DMBT1: variants seen among roughly 807,000 people sequenced by gnomAD.
DMBT1 encodes the protein deleted in malignant brain tumors 1, also known as scavenger receptor cysteine-rich domain-containing protein DMBT1.
A neutral mutation model predicts 252.9 loss-of-function variants in DMBT1; 198 were observed. That is an observed-to-expected ratio of 0.78 (90% CI 0.70 to 0.88). DMBT1 has a LOEUF of 0.88. DMBT1 is among the 40% of genes least tolerant of loss of function. The pLI, the probability that DMBT1 is intolerant of heterozygous loss-of-function variation, is 0.00. For missense variants in DMBT1, 2,432 were observed against 2,404.7 expected, an observed-to-expected ratio of 1.01 and a Z score of -0.24; for synonymous variants, 990 against 942.7, an observed-to-expected ratio of 1.05 and a Z score of -0.92.
chr10:122,635,346 T>G (rs1474858720), intron 52 of DMBT1, among the ~76,000 whole-genome samples: 1 of 152,154 alleles, frequency 6.6e-6, no homozygotes, highest in Non-Finnish European at 1.5e-5. Context: ...GTGGGGGCAC[T>G]AGGGACTTTT....
At chr10:122,639,901 C>A in intron 54 of DMBT1, 139 bp from the exon 55 acceptor site, 1 of 1,024,340 alleles carries the variant, frequency 9.8e-7, no homozygotes, top group Non-Finnish European at 1.4e-6. Flanking sequence ...AGGCACGTGC[C>A]ATGGCCATCT....
At chr10:122,600,836 A>G (rs2097945934) in intron 27 of DMBT1, among the ~76,000 whole-genome samples, 155 bp from the exon 28 acceptor site, 1 of 152,148 alleles carries the variant, frequency 6.6e-6, no homozygotes, top group Non-Finnish European at 1.5e-5. Flanking sequence ...GGATGAGTTC[A>G]CAGCAGAGGA....
chr10:122,633,349 TGCGCCC>T lies in DMBT1; in HGVS notation c.6548+9_6548+14del, dbSNP rs762718249. On this transcript the variant is annotated intron_variant, in intron 52 of 55. Transcript: ENST00000338354. Reference sequence around the variant, plus strand: ...GATCTTCAGAGATGTCCAGTAAGTGTGCGCCCAGAAGAATGCCTTGGGGCCCCACAG... The same window carrying T: ...GATCTTCAGAGATGTCCAGTAAGTGTAGAAGAATGCCTTGGGGCCCCACAG... The T allele has an allele frequency of 1.2e-6, 2 of 1,613,784 alleles. No individual in the cohort carries two copies. The highest frequency in any genetic ancestry group is 3.3e-5 in the Admixed American group (2 of 60,006).
At chr10:122,621,634 A>G (rs923733184) in intron 44 of DMBT1, among the ~76,000 whole-genome samples, 1 of 152,192 alleles carries the variant, frequency 6.6e-6, no homozygotes, top group African/African-American at 2.4e-5. Context: ...GAAGAGGCAG[A>G]AGAAAAAATT....
intron 17 of DMBT1, among the ~76,000 whole-genome samples, chr10:122,589,918 C>T (rs1027331684): frequency 4.0e-5 from 6 of 148,634 alleles, no homozygotes; most frequent in African/African-American, 1.5e-4. Context: ...GGATCCAATC[C>T]CAACATGAGT....
intron 10 of DMBT1, among the ~76,000 whole-genome samples, chr10:122,580,300 G>A (rs1386609202): frequency 2.0e-5 from 3 of 152,204 alleles, no homozygotes; most frequent in African/African-American, 4.8e-5. Context: ...CTAAAAGTGG[G>A]TTCTCAGCTG....
In DMBT1 at chr10:122,561,582, C is replaced by CTCTCTCTA. The variant is rs144834746; in HGVS notation, c.61+754_61+755insCTCTATCT. ...CCTGTCTCTCTGCCTCTCTCTCTCT[C>CTCTCTCTA]TCTTTCTCTCTTATCTATTGTGTAG... On this transcript the variant is annotated intron_variant, in intron 1 of 55. Transcript: ENST00000338354. Among the ~76,000 whole-genome samples, 601 of 147,552 alleles carry CTCTCTCTA rather than the reference C, an allele frequency of 4.1e-3. 7 individuals are homozygous for CTCTCTCTA. The highest frequency in any genetic ancestry group is 0.014 in the East Asian group (70 of 4,970).
At position 122,576,453 on chromosome 10, in the gene DMBT1, GC is replaced by G; in HGVS notation, c.340del (p.Arg114GlufsTer121). On this transcript the variant is annotated frameshift_variant, in exon 7 of 56. Coordinates refer to ENST00000338354, the MANE Select transcript of DMBT1 (RefSeq NM_001377530.1). LOFTEE classifies it high-confidence loss of function. The part of the protein sequence containing the change: ...RLVNGDGRCQ[G>X]RVEILYRGSW... The stretch of plus-strand genomic sequence containing the variant: ...GTGAATGGAGATGGCAGGTGTCAGG[GC>G]CGAGTGGAGATCCTATACCGAGGCT... 6.2e-7 allele frequency: 1 copy of G among 1,613,860 alleles called. No homozygotes were observed. Among genetic ancestry groups the G allele is most frequent in the East Asian group, 2.2e-5 (1 of 44,894 alleles).
intron 39 of DMBT1, 95 bp from the exon 40 acceptor site, chr10:122,617,133 G>A: frequency 2.9e-6 from 4 of 1,368,244 alleles, no homozygotes; most frequent in Non-Finnish European, 4.1e-6. Flanking sequence ...AAGTGGAATT[G>A]TTGCCAGGTT....
chr10:122,639,994 G>C (rs1362463742), intron 54 of DMBT1, 46 bp from the exon 55 acceptor site: 1 of 1,583,550 alleles, frequency 6.3e-7, no homozygotes, highest in East Asian at 2.2e-5. Flanking sequence ...GATTCCCTTA[G>C]CAGGTGACAT....
intron 2 of DMBT1, among the ~76,000 whole-genome samples, chr10:122,568,430 G>T (rs1334998031): frequency 6.6e-6 from 1 of 152,082 alleles, no homozygotes; most frequent in Non-Finnish European, 1.5e-5. Flanking sequence ...ATGAGAAGAG[G>T]GCAAAGAGAG....
intron 39 of DMBT1, 133 bp from the exon 40 acceptor site, chr10:122,617,095 C>T (rs2097992667): frequency 1.9e-6 from 2 of 1,080,190 alleles, no homozygotes; most frequent in South Asian, 2.5e-5. Context: ...CCTGGGAAGA[C>T]ACATGGGAAG....
chr10:122,617,052 CT>C (rs2097992015), intron 39 of DMBT1, among the ~76,000 whole-genome samples, 175 bp from the exon 40 acceptor site: 1 of 145,962 alleles, frequency 6.9e-6, no homozygotes, highest in African/African-American at 2.6e-5. Context: ...CCAGCAGGAC[CT>C]TTGTTCATGG....
chr10:122,586,098 G>C lies in DMBT1; in HGVS notation c.1498G>C (p.Gly500Arg), dbSNP rs780699313. The change falls in exon 16 of 56, where the codon GGT becomes CGT. Residue 500 changes from glycine to arginine, a missense_variant. By Grantham distance (125) the Gly-to-Arg change is moderately radical (BLOSUM62 -2). Transcript: ENST00000338354. ...SSLALRLVNGGDRCQGRVEVL... is the reference protein window; with the variant it reads ...SSLALRLVNGRDRCQGRVEVL... ...TTTGGCCCTGAGGCTGGTGAATGGA[G>C]GTGACAGGTGTCAGGGCCGAGTGGA... The C allele has an allele frequency of 1.1e-5, 18 of 1,589,032 alleles. 3 individuals carry two copies. In the East Asian group the frequency reaches 2.8e-4, roughly 25 times the overall value.
Position 122,592,535 on chromosome 10 carries a change from C to T in DMBT1, c.2440C>T (p.His814Tyr), listed in dbSNP as rs183148698. 2.0e-5 allele frequency: 31 copies of T among 1,588,130 alleles called. 2 individuals carry two copies. Among genetic ancestry groups the T allele is most frequent in the Non-Finnish European group, 2.5e-5 (29 of 1,165,636 alleles). Residue 814 changes from histidine (H) to tyrosine (Y), a missense_variant, in exon 20 of 56, where the codon CAC becomes TAC. By Grantham distance (83) the His-to-Tyr change is moderately conservative (BLOSUM62 2). Around this residue, in one of 3 missense-constraint regions of DMBT1, gnomAD observed 1,264 missense variants for 1,082.2 expected, o/e 1.17. Transcript: ENST00000338354. ...GHESYLWSCPHNGWLSHNCGH... is the reference protein window; with the variant it reads ...GHESYLWSCPYNGWLSHNCGH... Reference sequence around the variant, plus strand: ...CGAGTCCTACCTGTGGAGCTGCCCCCACAATGGCTGGCTCTCCCACAACTG... The same window carrying T: ...CGAGTCCTACCTGTGGAGCTGCCCCTACAATGGCTGGCTCTCCCACAACTG...
At chr10:122,584,181 G>A in intron 13 of DMBT1, 141 bp from the exon 14 acceptor site, 1 of 199,894 alleles carries the variant, frequency 5.0e-6, no homozygotes. Context: ...ATCTCTGTGG[G>A]GACATGCATG....
Position 122,621,387 on chromosome 10 carries a change from C to T in DMBT1, c.5608+7C>T, listed in dbSNP as rs895106089. 2.5e-6 allele frequency: 4 copies of T among 1,613,842 alleles called. No individual in the cohort carries two copies. Among genetic ancestry groups the T allele is most frequent in the Non-Finnish European group, 3.4e-6 (4 of 1,179,754 alleles). On this transcript the variant is annotated splice_region_variant and intron_variant, in intron 44 of 55. Transcript: ENST00000338354. Reference sequence around the variant, plus strand: ...GCTGGTGTCATCTGCTCAGGTGGGCCTTCAAGACCTGGGGCTCCCTCTCTT... The same window carrying T: ...GCTGGTGTCATCTGCTCAGGTGGGCTTTCAAGACCTGGGGCTCCCTCTCTT...
At chr10:122,631,351 G>A in intron 49 of DMBT1, 70 bp downstream of exon 49, 3 of 1,558,610 alleles carry the variant, frequency 1.9e-6, no homozygotes, top group Non-Finnish European at 2.6e-6. Flanking sequence ...TAAGGCCAGT[G>A]GCTGATGGTG....
At chr10:122,631,951 C>A (rs910736286) in intron 50 of DMBT1, 76 bp downstream of exon 50, 11 of 1,502,304 alleles carry the variant, frequency 7.3e-6, no homozygotes, top group Non-Finnish European at 1.0e-5. Context: ...CTGTGCAGGG[C>A]ATGTTGCTCA....
Sources: gnomAD v4.1 joint callset for allele counts (sites outside exome capture counted in the v4.1 genomes callset) on GRCh38, gnomAD v4.1.1 for gene constraint, gnomAD v4.1.1 regional missense constraint, MANE v1.5 for transcripts, NCBI Gene and HGNC (gene_info 2026-07-23, HGNC 2026-07-21) for gene names.